VTA1: variants seen among roughly 807,000 people sequenced by gnomAD.
VTA1 encodes the protein vacuolar protein sorting-associated protein VTA1 homolog.
A neutral mutation model predicts 36.9 loss-of-function variants in VTA1; 24 were observed. The observed-to-expected ratio is 0.65, with a 90% confidence interval of 0.47 to 0.91. The LOEUF is 0.91. VTA1 is among the 40% of genes least tolerant of loss of function. The pLI is 0.00. For synonymous variants in VTA1, 142 were observed against 130.2 expected, an observed-to-expected ratio of 1.09 and a Z score of -0.62; for missense variants, 393 against 377.2, an observed-to-expected ratio of 1.04 and a Z score of -0.35.
At chr6:142,166,989 T>G (rs1284194425) in intron 2 of VTA1, among the ~76,000 whole-genome samples, 1 of 152,136 alleles carries the variant, frequency 6.6e-6, no homozygotes, top group Admixed American at 6.5e-5. Flanking sequence ...AATCTTAATA[T>G]TTCTTATAAT....
intron 4 of VTA1, among the ~76,000 whole-genome samples, chr6:142,177,624 G>A (rs947017139): frequency 6.6e-6 from 1 of 151,704 alleles, no homozygotes; most frequent in African/African-American, 2.4e-5. Context: ...GTAGGGTTAC[G>A]TTAAAAAAAA....
chr6:142,208,488 C>G (rs1022552329), intron 7 of VTA1, among the ~76,000 whole-genome samples: 3 of 152,080 alleles, frequency 2.0e-5, no homozygotes, highest in Non-Finnish European at 2.9e-5. Context: ...CAAGAGGGAG[C>G]TGAGCGAGAG....
intron 4 of VTA1, among the ~76,000 whole-genome samples, chr6:142,175,841 C>A (rs1285348443): frequency 6.6e-6 from 1 of 151,592 alleles, no homozygotes; most frequent in East Asian, 1.9e-4. Flanking sequence ...TTTCTTTAGT[C>A]CTTCAACATT....
At chr6:142,182,926 C>G (rs1416895472) in intron 4 of VTA1, among the ~76,000 whole-genome samples, 1 of 152,000 alleles carries the variant, frequency 6.6e-6, no homozygotes, top group African/African-American at 2.4e-5. Context: ...AGAGCTGAAG[C>G]CTGAGGTACT....
intron 6 of VTA1, 114 bp downstream of exon 6, chr6:142,198,729 G>C (rs1775619888): frequency 2.0e-6 from 2 of 997,904 alleles, no homozygotes; most frequent in East Asian, 5.5e-5. Context: ...CAAGTTCCTT[G>C]AATTCCATTT....
intron 4 of VTA1, among the ~76,000 whole-genome samples, chr6:142,172,272 G>C (rs1415814997): frequency 6.6e-6 from 1 of 152,222 alleles, no homozygotes; most frequent in East Asian, 1.9e-4. Flanking sequence ...GCCTCCCAAA[G>C]TGCTGGGATT....
chr6:142,204,973 C>T (rs528807603), intron 7 of VTA1, among the ~76,000 whole-genome samples: 2 of 152,190 alleles, frequency 1.3e-5, no homozygotes, highest in African/African-American at 4.8e-5. Flanking sequence ...ATCCGCCTGC[C>T]TCAGCCTCCC....
At chr6:142,150,488 A>G (rs1016456856) in intron 1 of VTA1, among the ~76,000 whole-genome samples, 3 of 152,140 alleles carry the variant, frequency 2.0e-5, no homozygotes, top group Admixed American at 2.0e-4. Flanking sequence ...CACTTTAATG[A>G]AGAACGGCAT....
At chr6:142,176,082 T>C (rs888441071) in intron 4 of VTA1, among the ~76,000 whole-genome samples, 1 of 152,202 alleles carries the variant, frequency 6.6e-6, no homozygotes, top group Non-Finnish European at 1.5e-5. Flanking sequence ...ATAAATATTT[T>C]CTTTTTCTGC....
At chr6:142,189,924 T>C (rs1775420131) in intron 5 of VTA1, among the ~76,000 whole-genome samples, 1 of 152,026 alleles carries the variant, frequency 6.6e-6, no homozygotes. Context: ...GCCTGGCTAA[T>C]TTTTTTGTAC....
At chr6:142,150,215 A>G (rs1277398050) in intron 1 of VTA1, among the ~76,000 whole-genome samples, 2 of 152,076 alleles carry the variant, frequency 1.3e-5, no homozygotes, top group African/African-American at 4.8e-5. Flanking sequence ...TAGCTGCTAT[A>G]TTTGTGGGCC....
rs529333274 is a variant in VTA1 at position 142,174,960 on chromosome 6, G to A, written c.411+4539G>A. ...TGGGCCCAGGCTTATGCAGCCTGCGGAATGTGAAGGCTCTTTTCTGTATAA... is the reference window on the plus strand; with the variant it reads ...TGGGCCCAGGCTTATGCAGCCTGCGAAATGTGAAGGCTCTTTTCTGTATAA... On this transcript the variant is annotated intron_variant, in intron 4 of 7. Transcript: ENST00000367630. 5.3e-5 allele frequency among the ~76,000 whole-genome samples: 8 copies of A among 152,290 alleles called. No individual in the cohort carries two copies. The South Asian group carries it at 1.2e-3, about 24-fold the overall frequency.
chr6:142,201,819 T>C (rs1775691203), intron 6 of VTA1, among the ~76,000 whole-genome samples: 1 of 151,980 alleles, frequency 6.6e-6, no homozygotes, highest in Non-Finnish European at 1.5e-5. Context: ...CCTTATACTG[T>C]TACTCATAGA....
chr6:142,172,124 C>T (rs566157556), intron 4 of VTA1, among the ~76,000 whole-genome samples: 1 of 152,244 alleles, frequency 6.6e-6, no homozygotes, highest in East Asian at 1.9e-4. Context: ...GATTCCCCTG[C>T]CTCAGCCTCC....
intron 4 of VTA1, among the ~76,000 whole-genome samples, chr6:142,175,944 A>G (rs2114651255): frequency 6.6e-6 from 1 of 151,894 alleles, no homozygotes; most frequent in South Asian, 2.1e-4. Flanking sequence ...AGCTCTTTTA[A>G]CTGTGCCTTA....
At chr6:142,208,499 G>T (rs983820494) in intron 7 of VTA1, among the ~76,000 whole-genome samples, 3 of 152,130 alleles carry the variant, frequency 2.0e-5, no homozygotes, top group Non-Finnish European at 2.9e-5. Context: ...TGAGCGAGAG[G>T]TAGAAAGCTT....
At chr6:142,171,274 T>C (rs1167216941) in intron 4 of VTA1, among the ~76,000 whole-genome samples, 1 of 152,108 alleles carries the variant, frequency 6.6e-6, no homozygotes, top group Non-Finnish European at 1.5e-5. Context: ...TTTGTATTTT[T>C]ACTAGAGACA....
At chr6:142,211,404 AAAAG>A (rs1361845235) in intron 7 of VTA1, among the ~76,000 whole-genome samples, 1 of 152,204 alleles carries the variant, frequency 6.6e-6, no homozygotes, top group Admixed American at 6.5e-5. Flanking sequence ...CATGACCTAT[AAAAG>A]AAAGAAATGA....
Position 142,191,580 on chromosome 6 carries a change from T to A in VTA1, c.520+2046T>A, listed in dbSNP as rs567036282. On this transcript the variant is annotated intron_variant, in intron 5 of 7. Coordinates refer to ENST00000367630, the MANE Select transcript of VTA1 (RefSeq NM_016485.5). ...GGAAGTTGTCATTTCTGTTATTTAT[T>A]TTCATACATATTTGCTGGAGTTTCT... Among the ~76,000 whole-genome samples the A allele has an allele frequency of 3.4e-4, 51 of 152,210 alleles. 1 individual carries two copies. The highest frequency in any genetic ancestry group is 1.0e-3 in the South Asian group (5 of 4,828).
Sources: gnomAD v4.1 joint callset for allele counts (sites outside exome capture counted in the v4.1 genomes callset) on GRCh38, gnomAD v4.1.1 for gene constraint, MANE v1.5 for transcripts, NCBI Gene and HGNC (gene_info 2026-07-23, HGNC 2026-07-21) for gene names.